The following TRAPPC8 variants were observed in gnomAD, a reference collection of about 807,000 sequenced individuals.
TRAPPC8 encodes general sporulation gene 1 homolog.
In TRAPPC8, 54 loss-of-function variants were observed where a neutral mutation model predicts 174.3. That is an observed-to-expected ratio of 0.31 (90% CI 0.25 to 0.39). The LOEUF (loss-of-function observed/expected upper bound fraction) is 0.39. TRAPPC8 is among the 10% of genes least tolerant of loss of function. TRAPPC8 has a pLI of 1.00. For missense variants in TRAPPC8, 1,531 were observed against 1,699.1 expected (o/e 0.90, Z 1.74); for synonymous variants, 630 against 579.9 (o/e 1.09, Z -1.24).
At chr18:31,849,792 AATTT>A (rs1568042175) in intron 24 of TRAPPC8, 53 bp from the exon 25 acceptor site, 16 of 1,486,640 alleles carry the variant, frequency 1.1e-5, no homozygotes, top group African/African-American at 1.4e-5. Context: ...ATGTTGTCAA[AATTT>A]ATTTTGTATA....
intron 13 of TRAPPC8, 119 bp downstream of exon 13, chr18:31,874,361 T>C (rs2035036885): frequency 9.0e-7 from 1 of 1,108,294 alleles, no homozygotes; most frequent in African/African-American, 1.6e-5. Context: ...CCACAGCTTT[T>C]TTATGACTGA....
At chr18:31,916,699 A>G (rs2037163066) in intron 3 of TRAPPC8, among the ~76,000 whole-genome samples, 2 of 151,988 alleles carry the variant, frequency 1.3e-5, no homozygotes, top group South Asian at 4.2e-4. Flanking sequence ...CACCCAGCTA[A>G]TTTTTTATAT....
chr18:31,927,366 G>A (rs1346115375), intron 2 of TRAPPC8, among the ~76,000 whole-genome samples: 2 of 151,918 alleles, frequency 1.3e-5, no homozygotes, highest in East Asian at 3.9e-4. Context: ...AGGTTCAAGC[G>A]ATTCTCCTGC....
intron 10 of TRAPPC8, among the ~76,000 whole-genome samples, chr18:31,898,989 A>G (rs1006335780): frequency 2.0e-5 from 3 of 152,206 alleles, no homozygotes; most frequent in Non-Finnish European, 4.4e-5. Flanking sequence ...TATTTTTGAA[A>G]CACAATTTAC....
intron 12 of TRAPPC8, among the ~76,000 whole-genome samples, chr18:31,876,316 C>A (rs992478511): frequency 6.6e-6 from 1 of 151,516 alleles, no homozygotes; most frequent in East Asian, 1.9e-4. Context: ...TGGTGAAACA[C>A]TGTCTCTACT....
At chr18:31,897,552 T>C (rs181992955) in intron 11 of TRAPPC8, among the ~76,000 whole-genome samples, 1 of 152,334 alleles carries the variant, frequency 6.6e-6, no homozygotes, top group East Asian at 1.9e-4. Context: ...GCTCAATACA[T>C]GTCTGTAGTT....
rs1159885570 is a variant in TRAPPC8 at position 31,866,294 on chromosome 18, A to G, written c.2590+555T>C. Among the ~76,000 whole-genome samples, 4 of 152,248 alleles carry G rather than the reference A, an allele frequency of 2.6e-5. No individual in the cohort carries two copies. The East Asian group carries it at 5.8e-4, about 22-fold the overall frequency. On this transcript the variant is annotated intron_variant, in intron 18 of 28. Coordinates refer to ENST00000283351, the MANE Select transcript of TRAPPC8 (RefSeq NM_014939.5). Reference sequence around the variant, plus strand: ...TTGAAGGGTTCCCTGAGTTTAAAAAACAAAGAAAACTATGTTAAATGCACA... The same window carrying G: ...TTGAAGGGTTCCCTGAGTTTAAAAAGCAAAGAAAACTATGTTAAATGCACA...
intron 9 of TRAPPC8, among the ~76,000 whole-genome samples, chr18:31,903,898 A>G (rs1235901026): frequency 2.6e-5 from 4 of 151,762 alleles, no homozygotes; most frequent in African/African-American, 9.7e-5. Context: ...AATAACTAGG[A>G]CTTTAGTTAA....
intron 19 of TRAPPC8, among the ~76,000 whole-genome samples, chr18:31,860,459 T>C (rs1401601068): frequency 6.6e-6 from 1 of 152,172 alleles, no homozygotes; most frequent in Non-Finnish European, 1.5e-5. Flanking sequence ...AGTATGCAAA[T>C]GACTCTTATT....
At chr18:31,835,192 T>C (rs1477967624) in intron 27 of TRAPPC8, among the ~76,000 whole-genome samples, 1 of 152,160 alleles carries the variant, frequency 6.6e-6, no homozygotes, top group Non-Finnish European at 1.5e-5. Context: ...TTCTGAAATA[T>C]TTGAGGTAAA....
At position 31,870,461 on chromosome 18, in the gene TRAPPC8, C is replaced by T. The variant is rs775432025; in HGVS notation, c.2299G>A (p.Val767Ile). The T allele has an allele frequency of 1.9e-6, 3 of 1,612,248 alleles. No individual in the cohort carries two copies. The highest frequency in any genetic ancestry group is 8.5e-7 in the Non-Finnish European group (1 of 1,179,066). ...GACAAATCAGTCAACAAAAGTAGAA[C>T]TTTCAAAGGGTTTCTAAAAGCCACT... is the stretch of plus-strand genomic sequence containing the variant. The part of the protein sequence containing the change: ...VEVAFRNPLK[V>I]LLLLTDLSLL... Residue 767 changes from valine (V) to isoleucine (I), a missense_variant, in exon 16 of 29, where the codon GTT becomes ATT. Val to Ile is a conservative substitution (Grantham distance 29). Transcript: ENST00000283351.
intron 12 of TRAPPC8, among the ~76,000 whole-genome samples, chr18:31,884,185 C>T (rs2035592580): frequency 3.3e-5 from 5 of 151,904 alleles, no homozygotes. Flanking sequence ...TGAAACTCTG[C>T]CAAAAAAACA....
At position 31,942,711 on chromosome 18, in the gene TRAPPC8, G is replaced by C. The variant is rs756171492; in HGVS notation, c.54C>G (p.Pro18=). 1 of 1,606,858 alleles carries C rather than the reference G, an allele frequency of 6.2e-7. No homozygotes were observed. The part of the protein sequence containing the change: ...VQELIPDSFV[P]CVAALCSDEA... ...CGTCGCTGCACAGCGCAGCGACACAGGGGACGAAGGAGTCCGGGATTAGCT... is the reference window on the plus strand; with the variant it reads ...CGTCGCTGCACAGCGCAGCGACACACGGGACGAAGGAGTCCGGGATTAGCT... The change falls in exon 1 of 29, where the codon CCC becomes CCG. Residue 18 remains proline, a synonymous_variant. Transcript: ENST00000283351.
intron 3 of TRAPPC8, 36 bp downstream of exon 3, chr18:31,917,542 A>G (rs763106877): frequency 6.4e-7 from 1 of 1,559,404 alleles, no homozygotes; most frequent in East Asian, 2.3e-5. Context: ...CTTCCATAAT[A>G]TTTGATTTGA....
rs550477951 is a variant in TRAPPC8, at chr18:31,905,225, T to C, written c.1389+2235A>G. ...TGAATGGTAAGGGAAGTGATATCAG[T>C]TCAAATTAAATTTTTATTCATACAT... On this transcript the variant is annotated intron_variant, in intron 9 of 28. Coordinates refer to ENST00000283351, the MANE Select transcript of TRAPPC8 (RefSeq NM_014939.5). 6.6e-5 allele frequency among the ~76,000 whole-genome samples: 10 copies of C among 152,294 alleles called. No individual in the cohort carries two copies. In the South Asian group the frequency reaches 1.5e-3, roughly 22 times the overall value.
intron 9 of TRAPPC8, among the ~76,000 whole-genome samples, chr18:31,901,381 A>G (rs992735372): frequency 1.3e-5 from 2 of 152,204 alleles, no homozygotes; most frequent in African/African-American, 4.8e-5. Flanking sequence ...CATATCCTTA[A>G]AGACTAGTGG....
At chr18:31,917,984 G>C (rs1275738991) in intron 2 of TRAPPC8, among the ~76,000 whole-genome samples, 1 of 151,976 alleles carries the variant, frequency 6.6e-6, no homozygotes, top group Non-Finnish European at 1.5e-5. Flanking sequence ...AAATTAGCCG[G>C]GCATGGTGGC....
At chr18:31,900,894 G>A (rs1844497908) in intron 10 of TRAPPC8, 31 bp downstream of exon 10, 1 of 1,458,508 alleles carries the variant, frequency 6.9e-7, no homozygotes, top group Non-Finnish European at 9.3e-7. Context: ...CCTTTAACTG[G>A]ATACAATATA....
chr18:31,874,547 A>G lies in TRAPPC8; in HGVS notation c.1886T>C (p.Ile629Thr). ...AGCAGCAGATTGTTTACTTTCATTA[A>G]TTAGAATATGCCTAAAAGCAGACAC... Reference protein sequence around the residue: ...NAVSAFRHILINESKQSAAQQ... With the variant: ...NAVSAFRHILTNESKQSAAQQ... The change falls in exon 13 of 29, where the codon ATT becomes ACT. Residue 629 changes from isoleucine to threonine, a missense_variant. Ile to Thr is a moderately conservative substitution (Grantham distance 89). Coordinates refer to ENST00000283351, the MANE Select transcript of TRAPPC8 (RefSeq NM_014939.5). 6.2e-7 allele frequency: 1 copy of G among 1,614,154 alleles called. No homozygotes were observed.
Sources: gnomAD v4.1 joint callset for allele counts (sites outside exome capture counted in the v4.1 genomes callset) on GRCh38, gnomAD v4.1.1 for gene constraint, MANE v1.5 for transcripts, NCBI Gene and HGNC (gene_info 2026-07-23, HGNC 2026-07-21) for gene names.